Variants in SRGAP1 observed in about 807,000 individuals in gnomAD.
The protein encoded by SRGAP1 is SLIT-ROBO Rho GTPase-activating protein 1.
A neutral mutation model predicts 121.9 loss-of-function variants in SRGAP1; 43 were observed. The observed-to-expected ratio is 0.35, with a 90% CI of 0.28 to 0.46. The LOEUF is 0.46. Among genes scored for constraint, SRGAP1 ranks in the 20% least tolerant of loss-of-function variants. SRGAP1 has a pLI of 1.00. For missense variants in SRGAP1, 1,102 were observed against 1,350.9 expected (o/e 0.82, Z 2.89); for synonymous variants, 447 against 485.4 (o/e 0.92, Z 1.04).
chr12:64,083,300 T>C (rs1209813513), intron 10 of SRGAP1, among the ~76,000 whole-genome samples: 1 of 152,210 alleles, frequency 6.6e-6, no homozygotes, highest in Non-Finnish European at 1.5e-5. Flanking sequence ...GACTCACCGC[T>C]GCAAAAACTG....
intron 1 of SRGAP1, among the ~76,000 whole-genome samples, chr12:63,960,252 G>T (rs1363792617): frequency 6.6e-6 from 1 of 152,118 alleles, no homozygotes; most frequent in Admixed American, 6.5e-5. Context: ...TACTTTCCTT[G>T]TCATTTCCAC....
At chr12:63,868,996 C>T (rs1246685657) in intron 1 of SRGAP1, among the ~76,000 whole-genome samples, 1 of 152,264 alleles carries the variant, frequency 6.6e-6, no homozygotes, top group East Asian at 1.9e-4. Context: ...AATAATGTGC[C>T]AGACAAATTA....
intron 15 of SRGAP1, among the ~76,000 whole-genome samples, chr12:64,106,995 T>C (rs189079131): frequency 1.3e-5 from 2 of 152,316 alleles, no homozygotes; most frequent in Admixed American, 1.3e-4. Flanking sequence ...TTACTTACAT[T>C]CTGGTTCAAG....
chr12:63,978,809 T>C (rs2033165265), intron 1 of SRGAP1, among the ~76,000 whole-genome samples: 1 of 152,230 alleles, frequency 6.6e-6, no homozygotes, highest in African/African-American at 2.4e-5. Flanking sequence ...TGCATCATTT[T>C]ACATTTCCAC....
intron 4 of SRGAP1, among the ~76,000 whole-genome samples, chr12:64,018,284 T>A (rs866935345): frequency 2.0e-5 from 3 of 152,164 alleles, no homozygotes; most frequent in Middle Eastern, 3.4e-3. Context: ...AGAGACAGGG[T>A]TTCGCCATGT....
intron 8 of SRGAP1, among the ~76,000 whole-genome samples, chr12:64,078,018 A>G (rs1163526569): frequency 6.6e-6 from 1 of 152,234 alleles, no homozygotes; most frequent in African/African-American, 2.4e-5. Flanking sequence ...CTCATATATC[A>G]GGGAAATGCA....
intron 1 of SRGAP1, among the ~76,000 whole-genome samples, chr12:63,941,341 T>C (rs1394512722): frequency 1.3e-5 from 2 of 152,130 alleles, no homozygotes; most frequent in Non-Finnish European, 2.9e-5. Flanking sequence ...AATTATCTTC[T>C]TCTAACTGGA....
chr12:63,948,953 T>TA (rs2032160526), intron 1 of SRGAP1, among the ~76,000 whole-genome samples: 16 of 88,748 alleles, frequency 1.8e-4, no homozygotes, highest in African/African-American at 5.9e-4. Flanking sequence ...CATATATATA[T>TA]TCCATATATA....
rs569462574 is a variant in SRGAP1, at chr12:64,016,735, G to A, written c.427-215G>A. On this transcript the variant is annotated intron_variant, in intron 3 of 21. Coordinates refer to ENST00000355086, the MANE Select transcript of SRGAP1 (RefSeq NM_020762.4). ...AGTCTGTTTGGATGGCGGGGGAGCCGTTCACCCATGGTTGTCACTTGTTTG... is the reference window on the plus strand; with the variant it reads ...AGTCTGTTTGGATGGCGGGGGAGCCATTCACCCATGGTTGTCACTTGTTTG... Among the ~76,000 whole-genome samples the A allele has an allele frequency of 2.0e-5, 3 of 152,072 alleles. No homozygotes were observed. In the South Asian group the frequency reaches 6.2e-4, roughly 32 times the overall value.
chr12:63,889,091 T>C (rs1900489570), intron 1 of SRGAP1, among the ~76,000 whole-genome samples: 1 of 152,208 alleles, frequency 6.6e-6, no homozygotes, highest in African/African-American at 2.4e-5. Context: ...GCACATGCTG[T>C]TCCCTCTCCC....
At chr12:63,922,168 G>A (rs1187586547) in intron 1 of SRGAP1, among the ~76,000 whole-genome samples, 24 of 152,038 alleles carry the variant, frequency 1.6e-4, no homozygotes, top group African/African-American at 5.3e-4. Context: ...TATTAGAGAC[G>A]GGGTCTTGCC....
intron 15 of SRGAP1, among the ~76,000 whole-genome samples, chr12:64,101,678 C>T (rs1338780952): frequency 6.6e-6 from 1 of 152,094 alleles, no homozygotes; most frequent in Admixed American, 6.6e-5. Context: ...GTCATACCCA[C>T]AAAGTCTGGG....
At chr12:63,987,540 T>C (rs955078616) in intron 2 of SRGAP1, among the ~76,000 whole-genome samples, 2 of 151,976 alleles carry the variant, frequency 1.3e-5, no homozygotes, top group African/African-American at 4.8e-5. Flanking sequence ...CTGACCAACA[T>C]AGTGAAACCT....
At chr12:63,883,175 A>G (rs1262888807) in intron 1 of SRGAP1, among the ~76,000 whole-genome samples, 1 of 152,238 alleles carries the variant, frequency 6.6e-6, no homozygotes, top group African/African-American at 2.4e-5. Flanking sequence ...AGAAGTTTTC[A>G]AAGTATCATG....
At chr12:64,089,125 G>T (rs951800884) in intron 11 of SRGAP1, among the ~76,000 whole-genome samples, 3 of 152,166 alleles carry the variant, frequency 2.0e-5, no homozygotes, top group African/African-American at 7.2e-5. Flanking sequence ...TTGTATGCAA[G>T]CCAGGTGATC....
rs2037141035 is a variant in SRGAP1, at chr12:64,153,662, A to G, written c.*10990A>G. The stretch of plus-strand genomic sequence containing the variant: ...GATCAAACTCCAGAAAATAACAAGT[A>G]TTGGCCAGGGTGTAGAGAAACTGAC... On this transcript the variant is annotated 3_prime_UTR_variant, in exon 22 of 22. Transcript: ENST00000355086. 1 of 152,122 alleles carries G rather than the reference A, an allele frequency of 6.6e-6. No homozygotes were observed. Among genetic ancestry groups the G allele is most frequent in the Non-Finnish European group, 1.5e-5 (1 of 68,024 alleles). 9.4% of individuals were successfully genotyped at this position (152,122 alleles called of 1,614,324 possible).
intron 8 of SRGAP1, among the ~76,000 whole-genome samples, chr12:64,077,962 A>T (rs940969295): frequency 6.6e-6 from 1 of 152,216 alleles, no homozygotes; most frequent in Non-Finnish European, 1.5e-5. Context: ...AGTGTTCTCA[A>T]TTAAGGAGAT....
intron 1 of SRGAP1, among the ~76,000 whole-genome samples, chr12:63,852,178 G>A (rs1342679257): frequency 2.0e-5 from 3 of 151,470 alleles, no homozygotes; most frequent in South Asian, 2.1e-4. Context: ...TTGTAGAGAC[G>A]GGTTTTGGCC....
At chr12:63,864,052 T>C (rs1024178540) in intron 1 of SRGAP1, among the ~76,000 whole-genome samples, 1 of 152,244 alleles carries the variant, frequency 6.6e-6, no homozygotes, top group African/African-American at 2.4e-5. Flanking sequence ...TTCAGTTTAC[T>C]ATGTCCAGAG....
Sources: gnomAD v4.1 joint callset for allele counts (sites outside exome capture counted in the v4.1 genomes callset) on GRCh38, gnomAD v4.1.1 for gene constraint, MANE v1.5 for transcripts, NCBI Gene and HGNC (gene_info 2026-07-23, HGNC 2026-07-21) for gene names.